SCHIP1: variants seen among roughly 807,000 people sequenced by gnomAD.
The protein encoded by SCHIP1 is schwannomin-interacting protein 1.
SCHIP1 carries 8 observed loss-of-function variants against 29.7 expected under a neutral mutation model. That is an observed-to-expected ratio of 0.27 (90% confidence interval 0.16 to 0.49). The LOEUF (loss-of-function observed/expected upper bound fraction) is 0.49. Ranked by LOEUF, SCHIP1 falls within the 20% of genes least tolerant of loss-of-function variation. The probability of loss-of-function intolerance (pLI) is 0.99; values close to 1 mark genes in which losing one functional copy is unlikely to be tolerated. For missense variants in SCHIP1, 193 were observed against 294.6 expected, an observed-to-expected ratio of 0.66 and a Z score of 2.52; for synonymous variants, 76 against 94.9, an observed-to-expected ratio of 0.80 and a Z score of 1.16.
At chr3:159,817,445 A>G in the SCHIP1 span, among the ~76,000 whole-genome samples, 1 of 152,128 alleles carries the variant, frequency 6.6e-6, no homozygotes, top group Non-Finnish European at 1.5e-5. Flanking sequence ...AAAGAGAACC[A>G]CTTAGAGTGC....
the SCHIP1 span, among the ~76,000 whole-genome samples, chr3:159,459,219 G>A: frequency 3.9e-5 from 6 of 152,048 alleles, no homozygotes; most frequent in Non-Finnish European, 8.8e-5. Context: ...TCCGACTGCT[G>A]CTATCCCAGG....
chr3:159,416,708 T>G, the SCHIP1 span, among the ~76,000 whole-genome samples: 5 of 152,360 alleles, frequency 3.3e-5, no homozygotes, highest in East Asian at 9.6e-4. Context: ...GGATTTAGTA[T>G]TTTTAGTAGA....
the SCHIP1 span, among the ~76,000 whole-genome samples, chr3:159,441,814 C>T: frequency 1.3e-5 from 2 of 151,984 alleles, no homozygotes; most frequent in Non-Finnish European, 2.9e-5. Context: ...GAAGTCCTTT[C>T]ATCTTGTCCT....
chr3:159,528,887 C>A, the SCHIP1 span, among the ~76,000 whole-genome samples: 1 of 152,148 alleles, frequency 6.6e-6, no homozygotes, highest in Non-Finnish European at 1.5e-5. Context: ...AAAATCCTCA[C>A]CAGAACACTC....
chr3:159,437,040 C>T, the SCHIP1 span, among the ~76,000 whole-genome samples: 2 of 152,076 alleles, frequency 1.3e-5, no homozygotes, highest in African/African-American at 2.4e-5. Context: ...TTCATCCTTT[C>T]CACTTCTAAC....
the SCHIP1 span, among the ~76,000 whole-genome samples, chr3:159,486,513 C>A: frequency 1.3e-5 from 2 of 151,650 alleles, no homozygotes; most frequent in Non-Finnish European, 1.5e-5. Flanking sequence ...GGAAACATTC[C>A]TTGATCTGTA....
the SCHIP1 span, among the ~76,000 whole-genome samples, chr3:159,417,547 T>C: frequency 6.6e-6 from 1 of 152,096 alleles, no homozygotes; most frequent in Admixed American, 6.5e-5. Context: ...CTTCTAAACA[T>C]TTTCTAGATA....
chr3:159,539,085 G>A, the SCHIP1 span, among the ~76,000 whole-genome samples: 1 of 151,990 alleles, frequency 6.6e-6, no homozygotes, highest in Non-Finnish European at 1.5e-5. Flanking sequence ...TCAGGCTTTA[G>A]GATAAAAATC....
the SCHIP1 span, among the ~76,000 whole-genome samples, chr3:159,619,429 T>A: frequency 0.012 from 1,865 of 152,274 alleles, 38 homozygotes; most frequent in African/African-American, 0.042. Context: ...CCCTTGCTTA[T>A]GAAAACAGAG....
chr3:159,560,809 C>T, the SCHIP1 span, among the ~76,000 whole-genome samples: 2 of 152,162 alleles, frequency 1.3e-5, no homozygotes, highest in Non-Finnish European at 2.9e-5. Flanking sequence ...CACCACTGGG[C>T]TTGTTGCTTG....
chr3:159,683,217 A>T, the SCHIP1 span, among the ~76,000 whole-genome samples: 21 of 151,976 alleles, frequency 1.4e-4, no homozygotes, highest in Non-Finnish European at 1.5e-4. Flanking sequence ...GGCCCGACTC[A>T]TTTTTATATT....
the SCHIP1 span, among the ~76,000 whole-genome samples, chr3:159,385,393 A>C: frequency 1.3e-5 from 2 of 152,274 alleles, no homozygotes; most frequent in South Asian, 4.1e-4. Context: ...TCCAGTCTCT[A>C]CTAAAAATAG....
the SCHIP1 span, chr3:159,387,370 A>T: frequency 2.6e-6 from 1 of 386,270 alleles, no homozygotes; most frequent in Admixed American, 2.9e-5. Flanking sequence ...TCTTCCAGGG[A>T]CTTGATCTTC....
chr3:159,282,525 AT>A, the SCHIP1 span: 1 of 151,418 alleles, frequency 6.6e-6, no homozygotes, highest in South Asian at 2.1e-4. Context: ...TCACCTATAT[AT>A]TTTTGTGTTT....
chr3:159,720,757 G>C, the SCHIP1 span, among the ~76,000 whole-genome samples: 3 of 151,936 alleles, frequency 2.0e-5, no homozygotes, highest in African/African-American at 7.3e-5. Flanking sequence ...GCTAATTTTT[G>C]TATTTTTAGT....
chr3:159,650,800 T>C, the SCHIP1 span, among the ~76,000 whole-genome samples: 1 of 152,190 alleles, frequency 6.6e-6, no homozygotes, highest in African/African-American at 2.4e-5. Context: ...TTTATTGCAC[T>C]GGAACGAGGT....
the SCHIP1 span, among the ~76,000 whole-genome samples, chr3:159,564,116 T>C: frequency 6.6e-6 from 1 of 152,180 alleles, no homozygotes; most frequent in African/African-American, 2.4e-5. Flanking sequence ...AAATTTTCCT[T>C]TATCAGTCCC....
the SCHIP1 span, among the ~76,000 whole-genome samples, chr3:159,512,338 T>C: frequency 6.6e-6 from 1 of 152,240 alleles, no homozygotes; most frequent in Non-Finnish European, 1.5e-5. Context: ...TTAGAATTGC[T>C]ATAGGTAATA....
the SCHIP1 span, among the ~76,000 whole-genome samples, chr3:159,357,190 C>T: frequency 6.6e-6 from 1 of 152,110 alleles, no homozygotes; most frequent in Non-Finnish European, 1.5e-5. Context: ...CATCATGTTT[C>T]GCTGTCTAGC....
Sources: allele counts gnomAD v4.1 joint callset (sites outside exome capture counted in the v4.1 genomes callset), GRCh38; gene constraint gnomAD v4.1.1; transcripts MANE v1.5; gene names NCBI Gene and HGNC (gene_info 2026-07-23, HGNC 2026-07-21).